The following R3HCC1L variants were observed in gnomAD, a reference collection of about 807,000 sequenced individuals.
R3HCC1L encodes the protein R3H domain and coiled-coil containing 1 like, also known as coiled-coil domain-containing protein R3HCC1L.
In R3HCC1L, 51 loss-of-function variants were observed where a neutral mutation model predicts 59.9. The ratio of observed to expected loss-of-function variants is 0.85; its 90% CI spans 0.68 to 1.07. The LOEUF is 1.07. Among genes scored for constraint, R3HCC1L ranks in the 50% least tolerant of loss-of-function variants. The pLI is 0.00. For synonymous variants in R3HCC1L, 322 were observed against 315.2 expected (o/e 1.02, Z -0.23); for missense variants, 965 against 933.0 (o/e 1.03, Z -0.45).
chr10:98,136,195 T>G (rs573553401), intron 1 of R3HCC1L, among the ~76,000 whole-genome samples: 1 of 152,194 alleles, frequency 6.6e-6, no homozygotes, highest in East Asian at 1.9e-4. Context: ...TAAGAAAGTG[T>G]AGTTAGGTAT....
In R3HCC1L at chr10:98,169,488, T is replaced by C. The variant is rs148495531; in HGVS notation, c.-15+6091T>C. Among the ~76,000 whole-genome samples, 423 of 152,356 alleles carry C rather than the reference T, an allele frequency of 2.8e-3. 1 individual carries two copies. Among genetic ancestry groups the C allele is most frequent in the African/African-American group, 9.8e-3 (406 of 41,580 alleles). ...TGTCATGTAGTAAGCACTCTGTAAA[T>C]GGTAGCTGATTATTCTTCTTTCTCT... On this transcript the variant is annotated intron_variant, in intron 4 of 9. Transcript: ENST00000298999.
chr10:98,242,578 T>C (rs1044393080), intron 9 of R3HCC1L, among the ~76,000 whole-genome samples: 2 of 152,212 alleles, frequency 1.3e-5, no homozygotes, highest in African/African-American at 4.8e-5. Flanking sequence ...TAACTTTGTT[T>C]TCAGAATTGT....
chr10:98,177,280 G>T (rs935008924), intron 4 of R3HCC1L, among the ~76,000 whole-genome samples: 1 of 152,082 alleles, frequency 6.6e-6, no homozygotes, highest in East Asian at 1.9e-4. Context: ...AACATAAGGT[G>T]TTTGGTTTTC....
chr10:98,200,678 A>T (rs927629980), intron 4 of R3HCC1L, among the ~76,000 whole-genome samples: 3 of 152,164 alleles, frequency 2.0e-5, no homozygotes, highest in African/African-American at 7.2e-5. Context: ...CAAATAAATA[A>T]TATTAAGCAC....
chr10:98,183,840 A>T (rs1004606732), intron 4 of R3HCC1L, among the ~76,000 whole-genome samples: 1 of 151,844 alleles, frequency 6.6e-6, no homozygotes, highest in Admixed American at 6.6e-5. Context: ...TATGCATATT[A>T]TCTACATTTT....
intron 4 of R3HCC1L, among the ~76,000 whole-genome samples, chr10:98,198,270 G>C (rs1851663195): frequency 6.6e-6 from 1 of 151,952 alleles, no homozygotes; most frequent in African/African-American, 2.4e-5. Flanking sequence ...TGATTTGCTT[G>C]TATCACTTAA....
At chr10:98,144,073 G>T (rs553060908) in intron 1 of R3HCC1L, among the ~76,000 whole-genome samples, 1 of 152,094 alleles carries the variant, frequency 6.6e-6, no homozygotes, top group East Asian at 1.9e-4. Flanking sequence ...TGGGGGGTCC[G>T]AAGCAAGAAG....
intron 9 of R3HCC1L, among the ~76,000 whole-genome samples, chr10:98,240,030 G>A (rs756377309): frequency 4.6e-5 from 7 of 152,148 alleles, no homozygotes; most frequent in Non-Finnish European, 1.0e-4. Context: ...TCAGGGCCAG[G>A]CATGGTGGCT....
intron 5 of R3HCC1L, chr10:98,211,266 A>G: frequency 1.5e-6 from 2 of 1,301,908 alleles, no homozygotes; most frequent in South Asian, 1.3e-5. Context: ...AGAAATTCAA[A>G]TTATTTAGCC....
intron 5 of R3HCC1L, among the ~76,000 whole-genome samples, chr10:98,210,582 GTT>G (rs1422369744): frequency 6.6e-6 from 1 of 152,118 alleles, no homozygotes; most frequent in Admixed American, 6.6e-5. Flanking sequence ...AGAATCACTG[GTT>G]TTAAGTAGTA....
chr10:98,136,574 G>T (rs977331068), intron 1 of R3HCC1L, among the ~76,000 whole-genome samples: 11 of 152,128 alleles, frequency 7.2e-5, no homozygotes, highest in African/African-American at 2.4e-4. Flanking sequence ...GGTGCCTCAC[G>T]CCTGTAATCC....
At chr10:98,189,540 T>A (rs1459036637) in intron 4 of R3HCC1L, among the ~76,000 whole-genome samples, 1 of 152,208 alleles carries the variant, frequency 6.6e-6, no homozygotes, top group Non-Finnish European at 1.5e-5. Flanking sequence ...GAGTAATTTC[T>A]TTCACTATAG....
intron 9 of R3HCC1L, among the ~76,000 whole-genome samples, chr10:98,236,856 A>G (rs1232931699): frequency 6.6e-6 from 1 of 152,218 alleles, no homozygotes; most frequent in Non-Finnish European, 1.5e-5. Flanking sequence ...GCACTTAAGT[A>G]CTTTTTATCA....
At chr10:98,202,164 A>G (rs1852121656) in intron 4 of R3HCC1L, among the ~76,000 whole-genome samples, 1 of 152,170 alleles carries the variant, frequency 6.6e-6, no homozygotes, top group Non-Finnish European at 1.5e-5. Flanking sequence ...CCTGACTGGT[A>G]AAATATGCAG....
At chr10:98,155,471 C>T (rs543585019) in intron 1 of R3HCC1L, among the ~76,000 whole-genome samples, 2 of 152,090 alleles carry the variant, frequency 1.3e-5, no homozygotes, top group South Asian at 4.2e-4. Flanking sequence ...GATGTTCTGT[C>T]CCTTTCGGTT....
At chr10:98,144,694 C>T (rs1457936428) in intron 1 of R3HCC1L, among the ~76,000 whole-genome samples, 2 of 152,174 alleles carry the variant, frequency 1.3e-5, no homozygotes, top group African/African-American at 4.8e-5. Context: ...GAAAGTTAAC[C>T]CTCTGCTTAG....
chr10:98,208,811 A>G lies in R3HCC1L; in HGVS notation c.697A>G (p.Met233Val), dbSNP rs771341036. The G allele has an allele frequency of 3.1e-6, 5 of 1,614,114 alleles. No homozygotes were observed. The highest frequency in any genetic ancestry group is 2.2e-5 in the South Asian group (2 of 91,080). The stretch of plus-strand genomic sequence containing the variant: ...TAGTTCTGTCATGAAACCTGAGAAT[A>G]TGATTGTACCAATAAAACTAAGCTC... ...VFSSVMKPEN[M>V]IVPIKLSSDS... The change falls in exon 5 of 10, where the codon ATG becomes GTG. Residue 233 changes from methionine (M) to valine (V), a missense_variant. Met to Val is a conservative substitution (Grantham distance 21). Coordinates refer to ENST00000298999, the MANE Select transcript of R3HCC1L (RefSeq NM_001351015.2).
chr10:98,200,621 T>C (rs1476340785), intron 4 of R3HCC1L, among the ~76,000 whole-genome samples: 2 of 152,054 alleles, frequency 1.3e-5, no homozygotes, highest in Admixed American at 6.6e-5. Flanking sequence ...TGAAGACTTA[T>C]AAAATAGACT....
chr10:98,148,975 C>T (rs990750197), intron 1 of R3HCC1L, among the ~76,000 whole-genome samples: 5 of 152,100 alleles, frequency 3.3e-5, no homozygotes, highest in South Asian at 2.1e-4. Context: ...GTAGAATTCA[C>T]CAGTGAAGCC....
Sources: gnomAD v4.1 joint callset for allele counts (sites outside exome capture counted in the v4.1 genomes callset) on GRCh38, gnomAD v4.1.1 for gene constraint, MANE v1.5 for transcripts, NCBI Gene and HGNC (gene_info 2026-07-23, HGNC 2026-07-21) for gene names.